RANBP2: variants seen among roughly 807,000 people sequenced by gnomAD.
RANBP2 encodes E3 SUMO-protein ligase RanBP2.
In RANBP2, 57 loss-of-function variants were observed where a neutral mutation model predicts 303.6. That is an observed-to-expected ratio of 0.19 (90% CI 0.15 to 0.23). The LOEUF is 0.23. Ranked by LOEUF, RANBP2 falls within the 10% of genes least tolerant of loss-of-function variation. The probability of loss-of-function intolerance (pLI) is 1.00; values close to 1 mark genes in which losing one functional copy is unlikely to be tolerated. For missense variants in RANBP2, 3,138 were observed against 3,780.8 expected (o/e 0.83, Z 4.46); for synonymous variants, 1,167 against 1,301.5 (o/e 0.90, Z 2.23).
At chr2:109,490,600 C>A in the RANBP2 span, 1 of 1,430,764 alleles carries the variant, frequency 7.0e-7, no homozygotes, top group Non-Finnish European at 9.2e-7. Flanking sequence ...TGTGTGTCTC[C>A]CCAGAAAGAG....
the RANBP2 span, among the ~76,000 whole-genome samples, chr2:109,441,579 G>T: frequency 1.3e-5 from 2 of 152,254 alleles, no homozygotes; most frequent in Non-Finnish European, 2.9e-5. Context: ...CCTAATATAC[G>T]TGTAATTGGA....
chr2:109,672,330 A>C, the RANBP2 span, among the ~76,000 whole-genome samples: 1 of 152,230 alleles, frequency 6.6e-6, no homozygotes, highest in Non-Finnish European at 1.5e-5. Context: ...GTGGGTAATA[A>C]GTTCCACTTT....
chr2:109,376,610 A>C, the RANBP2 span, among the ~76,000 whole-genome samples: 2 of 152,252 alleles, frequency 1.3e-5, no homozygotes, highest in Non-Finnish European at 2.9e-5. Context: ...TCGGTTGTCC[A>C]GGTAGAGTAA....
the RANBP2 span, among the ~76,000 whole-genome samples, chr2:109,725,452 C>G: frequency 6.6e-6 from 1 of 152,190 alleles, no homozygotes; most frequent in East Asian, 1.9e-4. Context: ...TTGCACTTCA[C>G]CATGGTGCCA....
At chr2:109,719,027 A>AAAAC in the RANBP2 span, among the ~76,000 whole-genome samples, 68 of 118,276 alleles carry the variant, frequency 5.7e-4, 3 homozygotes, top group East Asian at 6.1e-3. Context: ...AAAAAAAAAA[A>AAAAC]AGAAACAAAA....
the RANBP2 span, among the ~76,000 whole-genome samples, chr2:109,104,280 CA>C: frequency 6.6e-6 from 1 of 152,072 alleles, no homozygotes; most frequent in African/African-American, 2.4e-5. Context: ...TCTGTTGTGT[CA>C]GTCTTAGGAT....
the RANBP2 span, among the ~76,000 whole-genome samples, chr2:109,078,269 T>C: frequency 1.7e-4 from 1 of 5,792 alleles, no homozygotes; most frequent in Non-Finnish European, 3.0e-4. Flanking sequence ...ATATAGCGCG[T>C]ATATATATAT....
At chr2:109,496,338 T>C in the RANBP2 span, among the ~76,000 whole-genome samples, 1 of 152,186 alleles carries the variant, frequency 6.6e-6, no homozygotes, top group African/African-American at 2.4e-5. Flanking sequence ...ACAATCCTCT[T>C]GCTAGCTACA....
At chr2:109,109,735 A>T in the RANBP2 span, among the ~76,000 whole-genome samples, 1 of 152,204 alleles carries the variant, frequency 6.6e-6, no homozygotes, top group Non-Finnish European at 1.5e-5. Context: ...TAGATTAGAG[A>T]TTCAACTACA....
chr2:108,755,934 A>G (rs913187287), intron 17 of RANBP2, among the ~76,000 whole-genome samples: 4 of 151,946 alleles, frequency 2.6e-5, no homozygotes, highest in African/African-American at 7.3e-5. Context: ...ATGTTGGCCA[A>G]GCTGTTTTTG....
the RANBP2 span, among the ~76,000 whole-genome samples, chr2:109,225,946 A>G: frequency 6.6e-6 from 1 of 152,214 alleles, no homozygotes; most frequent in South Asian, 2.1e-4. Context: ...TTGCTTTCAA[A>G]GAGTCCCTAT....
the RANBP2 span, among the ~76,000 whole-genome samples, chr2:109,302,581 C>T: frequency 6.6e-6 from 1 of 151,856 alleles, no homozygotes; most frequent in African/African-American, 2.4e-5. Context: ...GCTGACAGTG[C>T]TAAATTTTGA....
the RANBP2 span, among the ~76,000 whole-genome samples, chr2:109,152,031 G>GT: frequency 6.6e-6 from 1 of 152,234 alleles, no homozygotes. Flanking sequence ...CCAATGGGAA[G>GT]TTATTACTTC....
the RANBP2 span, among the ~76,000 whole-genome samples, chr2:108,824,890 T>G: frequency 2.0e-5 from 3 of 152,144 alleles, no homozygotes; most frequent in African/African-American, 7.2e-5. Context: ...GGGACCAGCA[T>G]TGTTATATGT....
the RANBP2 span, among the ~76,000 whole-genome samples, chr2:109,537,625 T>C: frequency 2.6e-5 from 4 of 152,230 alleles, no homozygotes; most frequent in Non-Finnish European, 5.9e-5. Flanking sequence ...CAAATTACCA[T>C]AAATTTGGTG....
chr2:109,291,196 T>C, the RANBP2 span, among the ~76,000 whole-genome samples: 1 of 152,142 alleles, frequency 6.6e-6, no homozygotes, highest in Non-Finnish European at 1.5e-5. Context: ...CATGATTCCT[T>C]TGAAAATGCT....
chr2:109,474,837 G>A, the RANBP2 span, among the ~76,000 whole-genome samples: 5 of 152,210 alleles, frequency 3.3e-5, no homozygotes, highest in East Asian at 5.8e-4. Flanking sequence ...CCCTGTGTGC[G>A]CCAAAGTCTA....
At chr2:109,289,856 T>A in the RANBP2 span, among the ~76,000 whole-genome samples, 1 of 152,152 alleles carries the variant, frequency 6.6e-6, no homozygotes, top group Admixed American at 6.5e-5. Flanking sequence ...GGTTTCCTCA[T>A]ATTGTGTATC....
At chr2:109,468,698 A>C in the RANBP2 span, among the ~76,000 whole-genome samples, 1 of 151,742 alleles carries the variant, frequency 6.6e-6, no homozygotes, top group Non-Finnish European at 1.5e-5. Flanking sequence ...TATTAAAAAT[A>C]AAAAAATGAG....
Sources: gnomAD v4.1 joint callset for allele counts (sites outside exome capture counted in the v4.1 genomes callset) on GRCh38, gnomAD v4.1.1 for gene constraint, MANE v1.5 for transcripts, NCBI Gene and HGNC (gene_info 2026-07-23, HGNC 2026-07-21) for gene names.